Variants in LIMS1 observed in about 807,000 individuals in gnomAD.
LIMS1 encodes the protein LIM zinc finger domain containing 1.
Under a neutral mutation model 44.1 loss-of-function variants are expected in LIMS1, and 18 were observed. That is an observed-to-expected ratio of 0.41 (90% CI 0.28 to 0.61). The LOEUF (loss-of-function observed/expected upper bound fraction) is 0.61. LIMS1 is among the 20% of genes least tolerant of loss of function. The probability of loss-of-function intolerance (pLI) is 0.32; values close to 1 mark genes in which losing one functional copy is unlikely to be tolerated. For synonymous variants in LIMS1, 93 were observed against 149.1 expected, an observed-to-expected ratio of 0.62 and a Z score of 2.74; for missense variants, 201 against 422.0, an observed-to-expected ratio of 0.48 and a Z score of 4.59.
At chr2:108,678,856 C>T (rs1692750258) in intron 8 of LIMS1, among the ~76,000 whole-genome samples, 3 of 152,142 alleles carry the variant, frequency 2.0e-5, no homozygotes, top group South Asian at 2.1e-4. Context: ...GGGCCAACAG[C>T]AGTAGGGACA....
At chr2:108,573,518 G>C (rs1685560973) in intron 1 of LIMS1, among the ~76,000 whole-genome samples, 1 of 152,188 alleles carries the variant, frequency 6.6e-6, no homozygotes, top group Non-Finnish European at 1.5e-5. Context: ...ACCCTGCAAA[G>C]TAAGTGGTAT....
chr2:108,634,692 C>T (rs6754269), intron 1 of LIMS1, among the ~76,000 whole-genome samples: 11,274 of 152,202 alleles, frequency 0.074, 516 homozygotes, highest in Non-Finnish European at 0.079. Flanking sequence ...AGAAAACAGG[C>T]GGCTGCTTCA....
intron 1 of LIMS1, chr2:108,659,205 A>G (rs1691147275): frequency 1.1e-6 from 1 of 875,874 alleles, no homozygotes; most frequent in Admixed American, 6.2e-5. Flanking sequence ...TCAGAAGGGA[A>G]AGAAACTGGC....
At chr2:108,683,689 T>A (rs919891321) in intron 9 of LIMS1, among the ~76,000 whole-genome samples, 196 bp from the exon 10 acceptor site, 29 of 152,250 alleles carry the variant, frequency 1.9e-4, no homozygotes, top group East Asian at 7.7e-4. Flanking sequence ...GACTTTTTTT[T>A]AAAATTATAC....
At chr2:108,556,638 G>A (rs1045222556) in intron 1 of LIMS1, among the ~76,000 whole-genome samples, 1 of 152,028 alleles carries the variant, frequency 6.6e-6, no homozygotes, top group Non-Finnish European at 1.5e-5. Flanking sequence ...CCCTTCCTTT[G>A]TTGGAGGCTG....
At chr2:108,614,580 CTT>C (rs544766109) in intron 1 of LIMS1, among the ~76,000 whole-genome samples, 74 of 152,218 alleles carry the variant, frequency 4.9e-4, no homozygotes, top group African/African-American at 1.7e-3. Flanking sequence ...TTTTGGAAAA[CTT>C]TTGTCTTTAG....
At chr2:108,587,818 CTG>C (rs1686182587) in intron 1 of LIMS1, among the ~76,000 whole-genome samples, 1 of 152,226 alleles carries the variant, frequency 6.6e-6, no homozygotes, top group African/African-American at 2.4e-5. Context: ...TGCTTCTGCA[CTG>C]TGTCTGTCAG....
chr2:108,671,687 A>G lies in LIMS1; in HGVS notation c.260-638A>G, dbSNP rs535283001. ...TATGGGTTATAAGAAACTGTGCTGT[A>G]GATTTCAGTTGTCTATGTTGACAAT... is the stretch of plus-strand genomic sequence containing the variant. On this transcript the variant is annotated intron_variant, in intron 3 of 9. Transcript: ENST00000544547. 3.6e-3 allele frequency among the ~76,000 whole-genome samples: 555 copies of G among 152,334 alleles called. 3 individuals carry two copies. Among genetic ancestry groups the G allele is most frequent in the Middle Eastern group, 6.8e-3 (2 of 294 alleles).
chr2:108,540,049 A>T (rs1360022961), intron 1 of LIMS1, among the ~76,000 whole-genome samples: 2 of 152,164 alleles, frequency 1.3e-5, no homozygotes, highest in Non-Finnish European at 2.9e-5. Context: ...GAGAGAATGC[A>T]GAGCCAGTGT....
chr2:108,649,270 A>T (rs963637029), intron 1 of LIMS1, among the ~76,000 whole-genome samples: 1 of 152,236 alleles, frequency 6.6e-6, no homozygotes, highest in Non-Finnish European at 1.5e-5. Flanking sequence ...CAAAACCACA[A>T]TGAGATACCA....
chr2:108,537,998 C>A (rs1684198184), intron 1 of LIMS1, among the ~76,000 whole-genome samples: 1 of 152,178 alleles, frequency 6.6e-6, no homozygotes, highest in South Asian at 2.1e-4. Flanking sequence ...CAGTATAGGT[C>A]ATGTTCTTAC....
At position 108,564,825 on chromosome 2, in the gene LIMS1, T is replaced by TA. The variant is rs925199168; in HGVS notation, c.32+30243dup. ...TGTCAAAGAGGGAAAGACAACACTG[T>TA]AAAAAAAAAAAAGGTGTGGGTAACA... On this transcript the variant is annotated intron_variant, in intron 1 of 9. Transcript: ENST00000544547. Among the ~76,000 whole-genome samples, 237 of 141,510 alleles carry TA rather than the reference T, an allele frequency of 1.7e-3. 1 individual carries two copies. The highest frequency in any genetic ancestry group is 3.6e-3 in the Middle Eastern group (1 of 274). 92.8% of individuals were successfully genotyped at this position (141,510 alleles called of 152,430 possible). A position where few individuals can be genotyped will look rare whatever the true frequency, so the allele number is the denominator to read the frequency against.
intron 2 of LIMS1, among the ~76,000 whole-genome samples, chr2:108,661,266 A>G (rs1304142123): frequency 1.3e-5 from 2 of 150,502 alleles, no homozygotes; most frequent in African/African-American, 4.9e-5. Flanking sequence ...TGTGTCCCCA[A>G]AACACACATT....
chr2:108,636,316 G>T (rs757969892), intron 1 of LIMS1, among the ~76,000 whole-genome samples: 1 of 152,222 alleles, frequency 6.6e-6, no homozygotes, highest in Non-Finnish European at 1.5e-5. Flanking sequence ...ACTGCCAAGG[G>T]ATGGGTGCTG....
intron 1 of LIMS1, among the ~76,000 whole-genome samples, chr2:108,613,449 T>C (rs2148856715): frequency 6.6e-6 from 1 of 152,260 alleles, no homozygotes; most frequent in Admixed American, 6.5e-5. Flanking sequence ...GTGTGGGTGC[T>C]TCCTGCCTCC....
chr2:108,584,572 G>A (rs1157613614), intron 1 of LIMS1, among the ~76,000 whole-genome samples: 10 of 152,092 alleles, frequency 6.6e-5, no homozygotes, highest in Non-Finnish European at 1.5e-5. Context: ...CACAAGGTTA[G>A]AAACAGGAGC....
intron 1 of LIMS1, among the ~76,000 whole-genome samples, chr2:108,626,778 G>A (rs189226163): frequency 1.3e-3 from 194 of 152,166 alleles, no homozygotes; most frequent in African/African-American, 4.4e-3. Flanking sequence ...CCTAAGAGAC[G>A]GATGTATCTA....
At chr2:108,573,291 G>GTTTTC (rs934663636) in intron 1 of LIMS1, among the ~76,000 whole-genome samples, 2 of 148,424 alleles carry the variant, frequency 1.3e-5, no homozygotes, top group African/African-American at 2.5e-5. Flanking sequence ...TGCTTCTCCC[G>GTTTTC]TTTTCTTTTC....
At chr2:108,569,165 A>G (rs939794014) in intron 1 of LIMS1, among the ~76,000 whole-genome samples, 1 of 152,196 alleles carries the variant, frequency 6.6e-6, no homozygotes, top group African/African-American at 2.4e-5. Flanking sequence ...TGCTGGGATT[A>G]CAGGCGTGAG....
Sources: gnomAD v4.1 joint callset for allele counts (sites outside exome capture counted in the v4.1 genomes callset) on GRCh38, gnomAD v4.1.1 for gene constraint, MANE v1.5 for transcripts, NCBI Gene and HGNC (gene_info 2026-07-23, HGNC 2026-07-21) for gene names.